EDA: variants seen among roughly 807,000 people sequenced by gnomAD.
EDA encodes the protein ectodysplasin-A.
In EDA, 2 loss-of-function variants were observed where a neutral mutation model predicts 23.6. The observed-to-expected ratio is 0.08, with a 90% confidence interval of 0.03 to 0.27. The LOEUF (loss-of-function observed/expected upper bound fraction) is 0.27, where lower values mean the gene tolerates loss of function less well. Ranked by LOEUF, EDA falls within the 10% of genes least tolerant of loss-of-function variation. EDA has a pLI of 1.00. For synonymous variants in EDA, 131 were observed against 132.0 expected, an observed-to-expected ratio of 0.99 and a Z score of 0.05; for missense variants, 229 against 324.2, an observed-to-expected ratio of 0.71 and a Z score of 2.26.
At chrX:69,784,063 G>A (rs367677511) in intron 1 of EDA, among the ~76,000 whole-genome samples, 37,199 of 104,320 alleles carry the variant, frequency 0.36, 6,959 homozygotes, top group Middle Eastern at 0.62. Context: ...CATTTTTCAT[G>A]TGTTTTTTGG....
At chrX:69,702,827 G>C (rs1387313743) in intron 1 of EDA, among the ~76,000 whole-genome samples, 1 of 111,633 alleles carries the variant, frequency 9.0e-6, no homozygotes, top group East Asian at 2.8e-4. Context: ...AGTTAAAACT[G>C]TAAAGTCGAA....
rs2017595631 is a variant in EDA, at chrX:69,873,383, G to T, written c.397-83644G>T. On this transcript the variant is annotated intron_variant, in intron 1 of 7. Coordinates refer to ENST00000374552, the MANE Select transcript of EDA (RefSeq NM_001399.5). ...CAAACCCAAATCCAGCAAAAGAAAAGAAATAACAAAGATTAGAGCAGAACT... is the reference window on the plus strand; with the variant it reads ...CAAACCCAAATCCAGCAAAAGAAAATAAATAACAAAGATTAGAGCAGAACT... Among the ~76,000 whole-genome samples, 2 of 110,990 alleles carry T rather than the reference G, an allele frequency of 1.8e-5. 1 individual carries two copies. Among genetic ancestry groups the T allele is most frequent in the Non-Finnish European group, 3.8e-5 (2 of 52,942 alleles).
intron 1 of EDA, among the ~76,000 whole-genome samples, chrX:69,705,731 C>T (rs1170913180): frequency 8.9e-6 from 1 of 112,016 alleles, no homozygotes; most frequent in African/African-American, 3.2e-5. Flanking sequence ...TTAGATTCAA[C>T]CTTTGTTTTA....
chrX:69,862,216 G>A (rs1302773543), intron 1 of EDA, among the ~76,000 whole-genome samples: 2 of 111,105 alleles, frequency 1.8e-5, no homozygotes, highest in African/African-American at 6.5e-5. Flanking sequence ...CCTCTCCACA[G>A]GTTGCTTGAG....
chrX:69,881,535 T>C lies in EDA; in HGVS notation c.397-75492T>C, dbSNP rs1190523408. ...GACTCCCTCCTTAGCCCAGTTGCCA[T>C]AGTTGCTTAGCTATATTCCTCAGCC... On this transcript the variant is annotated intron_variant, in intron 1 of 7. Transcript: ENST00000374552. Among the ~76,000 whole-genome samples, 4 of 111,724 alleles carry C rather than the reference T, an allele frequency of 3.6e-5. No individual in the cohort carries two copies. In the East Asian group the frequency reaches 8.5e-4, roughly 24 times the overall value.
chrX:69,724,312 G>C (rs1375994314), intron 1 of EDA, among the ~76,000 whole-genome samples: 1 of 111,863 alleles, frequency 8.9e-6, no homozygotes, highest in Non-Finnish European at 1.9e-5. Flanking sequence ...GCCTGATTTG[G>C]AGTTGACCCT....
At chrX:69,645,950 C>T (rs1410194870) in intron 1 of EDA, among the ~76,000 whole-genome samples, 1 of 110,780 alleles carries the variant, frequency 9.0e-6, no homozygotes, top group Non-Finnish European at 1.9e-5. Flanking sequence ...ACTATTTACT[C>T]AACAGTCATT....
At chrX:69,938,149 G>A (rs1249580449) in intron 1 of EDA, 1 of 641,955 alleles carries the variant, frequency 1.6e-6, no homozygotes, top group Non-Finnish European at 2.3e-6. Context: ...TCCTCCCCCT[G>A]GCCATAGAGA....
intron 1 of EDA, among the ~76,000 whole-genome samples, chrX:69,735,301 TA>T (rs952902151): frequency 5.4e-5 from 6 of 111,047 alleles, no homozygotes; most frequent in Admixed American, 2.9e-4. Flanking sequence ...TGAATATATA[TA>T]CACACACACA....
At chrX:69,828,750 G>A (rs2016531959) in intron 1 of EDA, among the ~76,000 whole-genome samples, 1 of 112,250 alleles carries the variant, frequency 8.9e-6, no homozygotes, top group Admixed American at 9.4e-5. Flanking sequence ...TTAAAGATAG[G>A]AAACACATTG....
At chrX:69,977,471 G>GA (rs1451939355) in intron 2 of EDA, among the ~76,000 whole-genome samples, 1 of 111,710 alleles carries the variant, frequency 9.0e-6, no homozygotes, top group Non-Finnish European at 1.9e-5. Flanking sequence ...TACATGGTCA[G>GA]AAAATACTTA....
intron 1 of EDA, among the ~76,000 whole-genome samples, chrX:69,632,543 G>A (rs1261768978): frequency 1.8e-5 from 2 of 112,097 alleles, no homozygotes; most frequent in Non-Finnish European, 3.8e-5. Flanking sequence ...TCTTTCTGTG[G>A]ACTGAATTAG....
intron 1 of EDA, among the ~76,000 whole-genome samples, chrX:69,649,589 C>CTTT (rs34800169): frequency 4.5e-4 from 44 of 98,715 alleles, no homozygotes; most frequent in African/African-American, 1.5e-3. Flanking sequence ...GAAATACAGT[C>CTTT]TTTTTTTTTT....
intron 1 of EDA, among the ~76,000 whole-genome samples, chrX:69,846,371 T>G: frequency 9.0e-6 from 1 of 110,510 alleles, no homozygotes; most frequent in East Asian, 2.9e-4. Flanking sequence ...CTCGGCTCAC[T>G]GCAACCTCCA....
At chrX:69,892,953 C>T (rs1056855357) in intron 1 of EDA, among the ~76,000 whole-genome samples, 3 of 111,770 alleles carry the variant, frequency 2.7e-5, no homozygotes, top group African/African-American at 9.8e-5. Context: ...CCCACTCCCC[C>T]TCCATATTAG....
intron 1 of EDA, among the ~76,000 whole-genome samples, chrX:69,717,760 C>G (rs1009419134): frequency 7.2e-5 from 8 of 110,779 alleles, no homozygotes; most frequent in Non-Finnish European, 1.5e-4. Flanking sequence ...ACCTCCTGAT[C>G]CACCCTCCTT....
chrX:69,873,992 A>G (rs1251098034), intron 1 of EDA, among the ~76,000 whole-genome samples: 4 of 112,410 alleles, frequency 3.6e-5, no homozygotes, highest in Non-Finnish European at 7.5e-5. Flanking sequence ...AGGTGGTTTC[A>G]TACAAGGGTT....
intron 1 of EDA, among the ~76,000 whole-genome samples, chrX:69,836,120 G>T (rs976664033): frequency 2.1e-4 from 23 of 111,857 alleles, no homozygotes; most frequent in Non-Finnish European, 3.8e-4. Flanking sequence ...ATCCCAGACG[G>T]GCAGCCACCT....
chrX:70,032,202 T>C (rs939119746), intron 6 of EDA, among the ~76,000 whole-genome samples: 1 of 106,913 alleles, frequency 9.4e-6, no homozygotes, highest in African/African-American at 3.5e-5. Context: ...GAGGTTGCAG[T>C]GAGCCAAGAT....
Sources: allele counts gnomAD v4.1 joint callset (sites outside exome capture counted in the v4.1 genomes callset), GRCh38; gene constraint gnomAD v4.1.1; transcripts MANE v1.5; gene names NCBI Gene and HGNC (gene_info 2026-07-23, HGNC 2026-07-21).